The following LIAT1 variants were observed in gnomAD, a reference collection of about 807,000 sequenced individuals.
The protein encoded by LIAT1 is ligand of ATE1, also known as protein LIAT1.
the LIAT1 span, chr17:413,196 T>C: frequency 6.2e-7 from 1 of 1,614,194 alleles, no homozygotes; most frequent in Non-Finnish European, 8.5e-7. Flanking sequence ...TCTTCCTCCT[T>C]TCATGACATC....
At chr17:413,110 C>G in the LIAT1 span, 2 of 1,600,366 alleles carry the variant, frequency 1.2e-6, no homozygotes, top group Non-Finnish European at 1.7e-6. Flanking sequence ...CAAGGTCAGA[C>G]ATTGCCACAA....
At chr17:411,203 G>A in the LIAT1 span, among the ~76,000 whole-genome samples, 1 of 152,154 alleles carries the variant, frequency 6.6e-6, no homozygotes, top group African/African-American at 2.4e-5. Context: ...CCACCAAGGG[G>A]CAGCCTTGGA....
chr17:413,422 G>A, the LIAT1 span: 3 of 1,614,126 alleles, frequency 1.9e-6, no homozygotes, highest in Non-Finnish European at 2.5e-6. Flanking sequence ...AACTGAATCG[G>A]AGAAAACGGT....
At chr17:412,218 C>T in the LIAT1 span, among the ~76,000 whole-genome samples, 1 of 151,846 alleles carries the variant, frequency 6.6e-6, no homozygotes, top group Non-Finnish European at 1.5e-5. Flanking sequence ...CCTAGAATTG[C>T]TTGAACCTGA....
chr17:410,687 C>G, the LIAT1 span: 1 of 1,520,198 alleles, frequency 6.6e-7, no homozygotes, highest in Non-Finnish European at 8.8e-7. Context: ...GCTCCGGTTC[C>G]CTGGAGACTC....
the LIAT1 span, chr17:413,268 A>G: frequency 3.1e-6 from 5 of 1,614,096 alleles, no homozygotes; most frequent in Non-Finnish European, 4.2e-6. Flanking sequence ...GTGGAAAAGA[A>G]GCACCTCCCT....
the LIAT1 span, chr17:410,521 G>T: frequency 6.5e-7 from 1 of 1,545,432 alleles, no homozygotes. Flanking sequence ...GAGCGGGAGG[G>T]CGGCGCCGCG....
At chr17:410,542 G>T in the LIAT1 span, 6 of 1,546,364 alleles carry the variant, frequency 3.9e-6, no homozygotes, top group East Asian at 9.8e-5. Flanking sequence ...GGCCCGCGGG[G>T]GTCTAGACTG....
At chr17:410,481 G>A in the LIAT1 span, 1 of 1,543,826 alleles carries the variant, frequency 6.5e-7, no homozygotes, top group South Asian at 1.2e-5. Flanking sequence ...GGGGACAATG[G>A]GGTACAAGGA....
the LIAT1 span, chr17:414,245 C>A: frequency 8.5e-7 from 1 of 1,177,852 alleles, no homozygotes; most frequent in Non-Finnish European, 1.2e-6. This position sits in a 1 kb window ranked among gnomAD's most constrained non-coding sequence, Gnocchi z 4.1. Context: ...CGGACGACGC[C>A]GACTCTCCCA....
At chr17:410,525 C>T in the LIAT1 span, 6 of 1,545,478 alleles carry the variant, frequency 3.9e-6, no homozygotes, top group Non-Finnish European at 5.2e-6. Flanking sequence ...GGGAGGGCGG[C>T]GCCGCGGGCC....
the LIAT1 span, among the ~76,000 whole-genome samples, chr17:411,853 C>T: frequency 1.3e-5 from 2 of 152,186 alleles, no homozygotes; most frequent in Non-Finnish European, 2.9e-5. Context: ...CACTGTCGCC[C>T]GTGTGGTCCA....
At chr17:412,301 CAA>C in the LIAT1 span, among the ~76,000 whole-genome samples, 4 of 117,708 alleles carry the variant, frequency 3.4e-5, no homozygotes, top group Non-Finnish European at 1.8e-5. Flanking sequence ...GACTCAGTCT[CAA>C]AAAAAAAAAA....
chr17:411,835 TG>T, the LIAT1 span, among the ~76,000 whole-genome samples: 2 of 152,188 alleles, frequency 1.3e-5, no homozygotes, highest in East Asian at 3.8e-4. Context: ...CCGTGAGTGC[TG>T]TGAGGCCACT....
the LIAT1 span, chr17:413,156 C>G: frequency 6.2e-7 from 1 of 1,613,850 alleles, no homozygotes; most frequent in Non-Finnish European, 8.5e-7. Context: ...AGATAAACAT[C>G]AGAGTCAGAG....
the LIAT1 span, chr17:413,979 C>T: frequency 1.9e-6 from 3 of 1,614,246 alleles, no homozygotes; most frequent in South Asian, 1.1e-5. Context: ...GAGAACTTAC[C>T]CTACCTCTCG....
chr17:411,397 A>AG, the LIAT1 span, among the ~76,000 whole-genome samples: 1 of 152,218 alleles, frequency 6.6e-6, no homozygotes, highest in African/African-American at 2.4e-5. Context: ...GGCGGGACGC[A>AG]GTGGCTCACA....
chr17:410,574 T>C, the LIAT1 span: 6 of 1,546,436 alleles, frequency 3.9e-6, no homozygotes, highest in Non-Finnish European at 5.2e-6. Flanking sequence ...AGGCGGCGCC[T>C]CCGAGCTGGC....
chr17:410,434 T>G, the LIAT1 span: 1 of 1,538,974 alleles, frequency 6.5e-7, no homozygotes, highest in Non-Finnish European at 8.7e-7. Context: ...CGGGTTGGGT[T>G]GCAGCCCAGC....
Sources: gnomAD v4.1 joint callset for allele counts (sites outside exome capture counted in the v4.1 genomes callset) on GRCh38, gnomAD v4.1.1 for gene constraint, Gnocchi (gnomAD v3.1) non-coding constraint, MANE v1.5 for transcripts, NCBI Gene and HGNC (gene_info 2026-07-23, HGNC 2026-07-21) for gene names.